The following ABCA13 variants were observed in gnomAD, a reference collection of about 807,000 sequenced individuals.
ABCA13 encodes the protein ATP binding cassette subfamily A member 13.
Under a neutral mutation model 478.7 loss-of-function variants are expected in ABCA13, and 476 were observed. The observed-to-expected ratio is 0.99, with a 90% CI of 0.92 to 1.07. The LOEUF is 1.07. ABCA13 is among the 50% of genes least tolerant of loss of function. The probability of loss-of-function intolerance (pLI) is 0.00; values close to 1 mark genes in which losing one functional copy is unlikely to be tolerated. For synonymous variants in ABCA13, 2,252 were observed against 2,158.9 expected, an observed-to-expected ratio of 1.04 and a Z score of -1.20; for missense variants, 6,060 against 5,910.6, an observed-to-expected ratio of 1.03 and a Z score of -0.83.
chr7:48,358,194 G>C (rs1315824343), intron 31 of ABCA13, among the ~76,000 whole-genome samples: 1 of 129,032 alleles, frequency 7.8e-6, no homozygotes, highest in Non-Finnish European at 1.6e-5. Flanking sequence ...GACAGGACAG[G>C]ACAGGAAAGG....
chr7:48,296,243 C>CA (rs1799348425), intron 21 of ABCA13, among the ~76,000 whole-genome samples: 1 of 151,850 alleles, frequency 6.6e-6, no homozygotes, highest in Admixed American at 6.6e-5. Context: ...AAAGCAACAA[C>CA]AAAAAAATTA....
chr7:48,547,473 A>C (rs1784919638), intron 55 of ABCA13, among the ~76,000 whole-genome samples: 1 of 151,956 alleles, frequency 6.6e-6, no homozygotes, highest in African/African-American at 2.4e-5. Flanking sequence ...AGCCACAAGC[A>C]TTGACTTCAG....
intron 24 of ABCA13, among the ~76,000 whole-genome samples, chr7:48,310,489 C>T (rs1007581493): frequency 1.3e-5 from 2 of 152,128 alleles, no homozygotes; most frequent in African/African-American, 4.8e-5. Context: ...TCTGTAAGGG[C>T]CACCTCCCTG....
chr7:48,276,122 G>A lies in ABCA13; in HGVS notation c.6456G>A (p.Glu2152=), dbSNP rs542389952. ...IETLFIPVTN[E]SSTEDIALLA... ...CATTATTCATTCCTGTGACCAATGA[G>A]AGTTCAACTGAAGATATAGCTTTGT... Residue 2152 remains glutamate, a synonymous_variant, in exon 17 of 62, where the codon GAG becomes GAA. Coordinates refer to ENST00000435803, the MANE Select transcript of ABCA13 (RefSeq NM_152701.5). 10 of 1,597,434 alleles carry A rather than the reference G, an allele frequency of 6.3e-6. No homozygotes were observed. In the Admixed American group the frequency reaches 1.0e-4, roughly 16 times the overall value.
In ABCA13 at chr7:48,279,535, G is replaced by T. The variant is rs963238759; in HGVS notation, c.8341G>T (p.Ala2781Ser). The T allele has an allele frequency of 5.0e-6, 8 of 1,613,252 alleles. No individual in the cohort carries two copies. In the African/African-American group the frequency reaches 1.1e-4, roughly 22 times the overall value. Residue 2781 changes from alanine to serine, a missense_variant, in exon 18 of 62, where the codon GCC becomes TCC. Coordinates refer to ENST00000435803, the MANE Select transcript of ABCA13 (RefSeq NM_152701.5). ...LLKTIETVLE[A>S]SSGIKSDYEG... ...GAAAACCATAGAAACAGTTTTAGAG[G>T]CCTCCAGTGGAATTAAAAGTGACTA...
At chr7:48,437,147 A>G (rs1822955009) in intron 42 of ABCA13, among the ~76,000 whole-genome samples, 1 of 151,734 alleles carries the variant, frequency 6.6e-6, no homozygotes, top group Middle Eastern at 3.2e-3. Context: ...CTATAGTGCT[A>G]TTTTTCCCTT....
chr7:48,206,506 CTCT>C (rs1315066490), intron 3 of ABCA13, among the ~76,000 whole-genome samples: 1 of 152,150 alleles, frequency 6.6e-6, no homozygotes, highest in Non-Finnish European at 1.5e-5. Context: ...ACAGTACATT[CTCT>C]TCTTTAAGTG....
Position 48,482,072 on chromosome 7 carries a change from G to T in ABCA13, c.13094+918G>T, listed in dbSNP as rs572004456. 5.3e-5 allele frequency among the ~76,000 whole-genome samples: 8 copies of T among 151,436 alleles called. No individual in the cohort carries two copies. In the East Asian group the frequency reaches 1.6e-3, roughly 29 times the overall value. On this transcript the variant is annotated intron_variant, in intron 46 of 61. Coordinates refer to ENST00000435803, the MANE Select transcript of ABCA13 (RefSeq NM_152701.5). ...TTTTTTAAATGTTAACCCTTTTTTT[G>T]AAGTTTAATAGATACAAGATACTGT...
At chr7:48,534,055 T>C (rs1233462676) in intron 55 of ABCA13, among the ~76,000 whole-genome samples, 1 of 152,142 alleles carries the variant, frequency 6.6e-6, no homozygotes, top group Non-Finnish European at 1.5e-5. Flanking sequence ...ATTGTGTTAT[T>C]GTTATATAGG....
At chr7:48,548,725 C>T (rs73109365) in intron 55 of ABCA13, among the ~76,000 whole-genome samples, 1 of 151,842 alleles carries the variant, frequency 6.6e-6, no homozygotes, top group Non-Finnish European at 1.5e-5. Flanking sequence ...CCTTATCTCC[C>T]TTTCAGCTGC....
intron 40 of ABCA13, among the ~76,000 whole-genome samples, chr7:48,411,047 CTT>C (rs753295685): frequency 0.047 from 2,706 of 57,704 alleles, 28 homozygotes; most frequent in Admixed American, 0.066. Flanking sequence ...TTCTTTCTTT[CTT>C]TTTCTTTCTT....
intron 41 of ABCA13, among the ~76,000 whole-genome samples, chr7:48,413,538 A>G (rs532824841): frequency 1.3e-5 from 2 of 152,296 alleles, no homozygotes; most frequent in South Asian, 4.1e-4. Flanking sequence ...CCCTAATTTT[A>G]CATTGCTATT....
intron 58 of ABCA13, among the ~76,000 whole-genome samples, chr7:48,608,742 A>C (rs1791728653): frequency 6.6e-6 from 1 of 152,230 alleles, no homozygotes; most frequent in Admixed American, 6.5e-5. Context: ...TATGGCTGGA[A>C]TGCCACTGAT....
intron 23 of ABCA13, among the ~76,000 whole-genome samples, chr7:48,301,142 C>T (rs914359074): frequency 2.6e-5 from 4 of 151,880 alleles, no homozygotes; most frequent in South Asian, 2.1e-4. Context: ...TCATTCTCCC[C>T]GCGCCACAAA....
intron 3 of ABCA13, among the ~76,000 whole-genome samples, chr7:48,201,700 A>G (rs192895399): frequency 6.6e-6 from 1 of 152,330 alleles, no homozygotes; most frequent in East Asian, 1.9e-4. Context: ...AGCCTGGGCA[A>G]CAGAACAAGA....
chr7:48,586,781 C>T (rs981828174), intron 56 of ABCA13, among the ~76,000 whole-genome samples: 3 of 152,052 alleles, frequency 2.0e-5, no homozygotes, highest in African/African-American at 4.8e-5. Context: ...GTTTTGACAC[C>T]GCTATTAGTT....
rs373011208 is a variant in ABCA13, at chr7:48,298,346, T to A, written c.9200-20T>A. The A allele has an allele frequency of 6.3e-6, 10 of 1,591,756 alleles. No homozygotes were observed. In the African/African-American group the frequency reaches 1.2e-4, roughly 19 times the overall value. ...TCTAAACCTTTATTACACAAATTTC[T>A]TATTTTCCTTACTTTGCAGATGTAA... On this transcript the variant is annotated intron_variant, in intron 22 of 61. Transcript: ENST00000435803.
At chr7:48,507,452 G>T (rs889424991) in intron 49 of ABCA13, among the ~76,000 whole-genome samples, 2 of 152,186 alleles carry the variant, frequency 1.3e-5, no homozygotes, top group African/African-American at 4.8e-5. Context: ...TTCAGAGATG[G>T]GCCAGTGCAG....
intron 36 of ABCA13, 54 bp downstream of exon 36, chr7:48,388,013 G>A (rs61605643): frequency 0.054 from 84,074 of 1,562,276 alleles, 3,969 homozygotes; most frequent in African/African-American, 0.23. Context: ...GATCCATTTT[G>A]ATTTTTTTTT....
Sources: allele counts gnomAD v4.1 joint callset (sites outside exome capture counted in the v4.1 genomes callset), GRCh38; gene constraint gnomAD v4.1.1; transcripts MANE v1.5; gene names NCBI Gene and HGNC (gene_info 2026-07-23, HGNC 2026-07-21).